The following SHANK1 variants were observed in gnomAD, a reference collection of about 807,000 sequenced individuals.
SHANK1 encodes the protein SH3 and multiple ankyrin repeat domains protein 1.
SHANK1 carries 35 observed loss-of-function variants against 165.6 expected under a neutral mutation model. The observed-to-expected ratio is 0.21, with a 90% CI of 0.16 to 0.28. The LOEUF (loss-of-function observed/expected upper bound fraction) is 0.28. Among genes scored for constraint, SHANK1 ranks in the 10% least tolerant of loss-of-function variants. The pLI is 1.00. For missense variants in SHANK1, 2,681 were observed against 3,036.4 expected, an observed-to-expected ratio of 0.88 and a Z score of 2.75; for synonymous variants, 1,428 against 1,384.8, an observed-to-expected ratio of 1.03 and a Z score of -0.69.
rs1409203566 is a variant in SHANK1, at chr19:50,702,697, G to A, written c.1554-37C>T. On this transcript the variant is annotated intron_variant, in intron 11 of 23. Transcript: ENST00000293441. This position sits in a 1 kb window ranked among gnomAD's most constrained non-coding sequence, Gnocchi z 5.3. ...GAGGGCATGAGAGGAGGGGAGGGTG[G>A]AGGGAGGGGACACCTCTGGGAGGAC... 2.9e-5 allele frequency: 41 copies of A among 1,428,196 alleles called. No individual in the cohort carries two copies. The highest frequency in any genetic ancestry group is 3.8e-5 in the Non-Finnish European group (40 of 1,056,682). 88.5% of individuals were successfully genotyped at this position (1,428,196 alleles called of 1,614,324 possible). A position where few individuals can be genotyped will look rare whatever the true frequency, so the allele number is the denominator to read the frequency against.
intron 23 of SHANK1, among the ~76,000 whole-genome samples, chr19:50,663,743 G>GAA (rs570620815): frequency 8.9e-6 from 1 of 112,992 alleles, no homozygotes; most frequent in East Asian, 2.4e-4. Context: ...ACAAGCAGTG[G>GAA]AAAAAAAAAA....
At chr19:50,700,881 T>G (rs1174300247) in intron 12 of SHANK1, among the ~76,000 whole-genome samples, 1 of 152,094 alleles carries the variant, frequency 6.6e-6, no homozygotes, top group African/African-American at 2.4e-5. Context: ...GCCCCCACAG[T>G]AGCTCCTGAA....
chr19:50,679,667 C>T (rs1273743172), intron 21 of SHANK1, among the ~76,000 whole-genome samples: 1 of 152,150 alleles, frequency 6.6e-6, no homozygotes, highest in South Asian at 2.1e-4. Context: ...CATGTCCTGC[C>T]GCTGACCAGT....
chr19:50,715,358 G>A (rs918981905), intron 4 of SHANK1, among the ~76,000 whole-genome samples: 20 of 152,166 alleles, frequency 1.3e-4, no homozygotes, highest in Non-Finnish European at 8.8e-5. Flanking sequence ...GATATGGGGG[G>A]AGGCAGGGGA....
At chr19:50,710,142 T>A (rs1298321233) in intron 8 of SHANK1, among the ~76,000 whole-genome samples, 1 of 152,128 alleles carries the variant, frequency 6.6e-6, no homozygotes, top group Non-Finnish European at 1.5e-5. Flanking sequence ...CACGAGGGCC[T>A]GGGAGTCAGA....
chr19:50,679,688 C>G (rs1406203192), intron 21 of SHANK1, among the ~76,000 whole-genome samples: 1 of 152,172 alleles, frequency 6.6e-6, no homozygotes, highest in Admixed American at 6.5e-5. Context: ...GGCTGGGGAA[C>G]TCCTGCTAAG....
intron 21 of SHANK1, among the ~76,000 whole-genome samples, chr19:50,678,468 T>G: frequency 1.4e-5 from 2 of 147,424 alleles, no homozygotes. Context: ...CAGGTGAGGG[T>G]GAAGGTGATG....
chr19:50,704,649 G>C, intron 8 of SHANK1, 135 bp from the exon 9 acceptor site: 1 of 769,010 alleles, frequency 1.3e-6, no homozygotes, highest in Non-Finnish European at 2.2e-6. Context: ...GAGGACAGCA[G>C]CCACCTGCCA....
At chr19:50,695,799 C>A (rs543919617) in intron 15 of SHANK1, among the ~76,000 whole-genome samples, 1 of 152,238 alleles carries the variant, frequency 6.6e-6, no homozygotes, top group African/African-American at 2.4e-5. Context: ...CAACACCCCT[C>A]CCCCACCAGA....
intron 23 of SHANK1, among the ~76,000 whole-genome samples, chr19:50,663,940 C>CTCTCTTT (rs370276151): frequency 1.8e-5 from 2 of 108,936 alleles, no homozygotes; most frequent in African/African-American, 7.6e-5. Context: ...CTCTCTCTCT[C>CTCTCTTT]TTTTTTTTTT....
At chr19:50,710,546 A>AGG (rs2088995074) in intron 8 of SHANK1, among the ~76,000 whole-genome samples, 1 of 152,184 alleles carries the variant, frequency 6.6e-6, no homozygotes, top group East Asian at 1.9e-4. Context: ...AAAGTACCAG[A>AGG]GGTCATGACA....
intron 8 of SHANK1, among the ~76,000 whole-genome samples, chr19:50,707,778 TGGGTGTGTTTG>T (rs1346368024): frequency 6.6e-6 from 1 of 152,142 alleles, no homozygotes; most frequent in Non-Finnish European, 1.5e-5. Flanking sequence ...GTGTGTGTTC[TGGGTGTGTTTG>T]GGAGTGTGTG....
In SHANK1 at chr19:50,716,652, G is replaced by A. The variant is rs1337696225; in HGVS notation, c.255+13C>T. ...GTCCCTCTCCTGCCGCTGGCCAGTG[G>A]GCAGGTACTCACTGTCTGGTGCAGG... On this transcript the variant is annotated intron_variant, in intron 2 of 23. Transcript: ENST00000293441. This position sits in a 1 kb window ranked among gnomAD's most constrained non-coding sequence, Gnocchi z 8.4. The A allele has an allele frequency of 6.4e-7, 1 of 1,560,292 alleles. No homozygotes were observed. The highest frequency in any genetic ancestry group is 8.7e-7 in the Non-Finnish European group (1 of 1,152,080).
At chr19:50,707,723 G>T (rs1028065681) in intron 8 of SHANK1, among the ~76,000 whole-genome samples, 1 of 151,922 alleles carries the variant, frequency 6.6e-6, no homozygotes, top group South Asian at 2.1e-4. Flanking sequence ...ATGAATGGAC[G>T]ACTCTGACTG....
chr19:50,703,720 G>A lies in SHANK1; in HGVS notation c.1333C>T (p.Leu445=). The change falls in exon 11 of 24, where the codon CTG becomes TTG. Residue 445 remains leucine, a synonymous_variant. Coordinates refer to ENST00000293441, the MANE Select transcript of SHANK1 (RefSeq NM_016148.5). Reference sequence around the variant, plus strand: ...GCGGAGAACACCATCCAGTCGGGCAGCGCCATGCTGGTGTCACTGTTGGCC... The same window carrying A: ...GCGGAGAACACCATCCAGTCGGGCAACGCCATGCTGGTGTCACTGTTGGCC... ...LRANSDTSMA[L]PDWMVFSAPG... is the part of the protein sequence containing the mutation. The A allele has an allele frequency of 6.9e-7, 1 of 1,453,238 alleles. No homozygotes were observed. The highest frequency in any genetic ancestry group is 9.0e-7 in the Non-Finnish European group (1 of 1,105,660). 90.0% of individuals were successfully genotyped at this position (1,453,238 alleles called of 1,614,324 possible).
intron 15 of SHANK1, among the ~76,000 whole-genome samples, chr19:50,696,751 T>C (rs1385286999): frequency 6.6e-6 from 1 of 152,008 alleles, no homozygotes; most frequent in Non-Finnish European, 1.5e-5. Context: ...GACGGATGTG[T>C]GCAGAGACCC....
At chr19:50,687,328 C>T (rs1021356090) in intron 19 of SHANK1, among the ~76,000 whole-genome samples, 27 of 152,090 alleles carry the variant, frequency 1.8e-4, no homozygotes, top group African/African-American at 6.3e-4. Flanking sequence ...CAGAGAGACC[C>T]GCAGAGAGGG....
At chr19:50,710,089 C>G (rs1454968275) in intron 8 of SHANK1, among the ~76,000 whole-genome samples, 1 of 152,160 alleles carries the variant, frequency 6.6e-6, no homozygotes, top group East Asian at 1.9e-4. Context: ...TTGCTCCCCA[C>G]CCCCATCTGC....
intron 21 of SHANK1, among the ~76,000 whole-genome samples, chr19:50,685,649 G>C (rs760438506): frequency 1.3e-5 from 2 of 152,046 alleles, no homozygotes; most frequent in African/African-American, 2.4e-5. Flanking sequence ...GCTTGAACCC[G>C]GGGGGCAGAG....
Sources: allele counts gnomAD v4.1 joint callset (sites outside exome capture counted in the v4.1 genomes callset), GRCh38; gene constraint gnomAD v4.1.1; non-coding constraint Gnocchi (gnomAD v3.1); transcripts MANE v1.5; gene names NCBI Gene and HGNC (gene_info 2026-07-23, HGNC 2026-07-21).